The following ERC2 variants were observed in gnomAD, a reference collection of about 807,000 sequenced individuals.
ERC2 encodes ELKS/RAB6-interacting/CAST family member 2, also known as ERC protein 2.
A neutral mutation model predicts 114.8 loss-of-function variants in ERC2; 42 were observed. That is an observed-to-expected ratio of 0.37 (90% CI 0.29 to 0.47). The LOEUF is 0.47. Among genes scored for constraint, ERC2 ranks in the 20% least tolerant of loss-of-function variants. The probability of loss-of-function intolerance (pLI) is 0.99; values close to 1 mark genes in which losing one functional copy is unlikely to be tolerated. For synonymous variants in ERC2, 454 were observed against 425.5 expected (o/e 1.07, Z -0.82); for missense variants, 939 against 1,150.7 (o/e 0.82, Z 2.66).
At chr3:56,405,906 T>TG (rs1413733108) in intron 2 of ERC2, among the ~76,000 whole-genome samples, 14 of 145,924 alleles carry the variant, frequency 9.6e-5, no homozygotes, top group African/African-American at 3.3e-4. Flanking sequence ...TTTTTTTTTT[T>TG]TTTTGAGATA....
chr3:55,961,182 G>T (rs938484969), intron 12 of ERC2, among the ~76,000 whole-genome samples: 2 of 152,242 alleles, frequency 1.3e-5, no homozygotes. Context: ...CTCCTACTGT[G>T]CAAGTCTTAT....
intron 2 of ERC2, among the ~76,000 whole-genome samples, chr3:56,360,854 G>A (rs565438215): frequency 2.0e-4 from 30 of 152,324 alleles, no homozygotes; most frequent in African/African-American, 6.5e-4. Flanking sequence ...GTTGCAGTGA[G>A]CTGAGATTGC....
At chr3:56,250,355 T>C (rs945277128) in intron 3 of ERC2, among the ~76,000 whole-genome samples, 1 of 152,176 alleles carries the variant, frequency 6.6e-6, no homozygotes, top group African/African-American at 2.4e-5. Flanking sequence ...ATCATCACAC[T>C]AAGAAAACTG....
intron 3 of ERC2, among the ~76,000 whole-genome samples, chr3:56,219,806 G>C (rs2049776068): frequency 6.6e-6 from 1 of 152,042 alleles, no homozygotes; most frequent in South Asian, 2.1e-4. Context: ...TTACTTCAAT[G>C]GCTTAGTGGC....
At chr3:55,566,028 G>C (rs1427883887) in intron 17 of ERC2, among the ~76,000 whole-genome samples, 2 of 152,208 alleles carry the variant, frequency 1.3e-5, no homozygotes, top group Non-Finnish European at 2.9e-5. Context: ...AGCTTGGGGG[G>C]AAATGTCTTA....
At chr3:55,737,132 G>C (rs749258995) in intron 14 of ERC2, among the ~76,000 whole-genome samples, 4 of 152,142 alleles carry the variant, frequency 2.6e-5, no homozygotes, top group African/African-American at 4.8e-5. Context: ...CAGATGTTTG[G>C]ACAAGGTGGT....
At chr3:56,403,096 G>A (rs759522465) in intron 2 of ERC2, among the ~76,000 whole-genome samples, 13 of 152,118 alleles carry the variant, frequency 8.5e-5, no homozygotes, top group Admixed American at 4.6e-4. Flanking sequence ...TTAACCCTCC[G>A]TTCCAATTAC....
At chr3:55,674,588 C>T (rs1176709074) in intron 17 of ERC2, among the ~76,000 whole-genome samples, 1 of 152,128 alleles carries the variant, frequency 6.6e-6, no homozygotes, top group Non-Finnish European at 1.5e-5. Context: ...ATTTCAGGGC[C>T]TCGTCTTATG....
chr3:56,061,009 T>C (rs1201982317), intron 7 of ERC2, among the ~76,000 whole-genome samples: 1 of 152,226 alleles, frequency 6.6e-6, no homozygotes, highest in Admixed American at 6.5e-5. Context: ...GTCAGTAACC[T>C]CCACTTGCCT....
At chr3:56,270,444 A>C (rs2053585340) in intron 3 of ERC2, among the ~76,000 whole-genome samples, 1 of 152,222 alleles carries the variant, frequency 6.6e-6, no homozygotes, top group Non-Finnish European at 1.5e-5. Context: ...TGGAGGAAGG[A>C]TAGCCCATAT....
intron 10 of ERC2, 89 bp from the exon 11 acceptor site, chr3:55,992,339 T>G (rs1362677591): frequency 8.3e-7 from 1 of 1,207,752 alleles, no homozygotes; most frequent in Admixed American, 2.4e-5. Flanking sequence ...AAATTAACTT[T>G]GGAGAGAAAA....
chr3:56,016,615 G>C (rs1482659862), intron 8 of ERC2, among the ~76,000 whole-genome samples: 1 of 151,746 alleles, frequency 6.6e-6, no homozygotes, highest in South Asian at 2.1e-4. Context: ...GTATAGATGG[G>C]GCCTAACAAT....
intron 12 of ERC2, among the ~76,000 whole-genome samples, chr3:55,968,106 T>A (rs895389363): frequency 6.6e-6 from 1 of 151,732 alleles, no homozygotes; most frequent in Non-Finnish European, 1.5e-5. Context: ...GCTTTCCTTA[T>A]ATTTTTAATT....
At chr3:56,391,274 T>C (rs551261997) in intron 2 of ERC2, among the ~76,000 whole-genome samples, 1 of 152,338 alleles carries the variant, frequency 6.6e-6, no homozygotes, top group African/African-American at 2.4e-5. Context: ...GAGATCACTG[T>C]GTCACTCCAT....
intron 1 of ERC2, among the ~76,000 whole-genome samples, chr3:56,459,294 G>A (rs750493133): frequency 2.0e-5 from 3 of 152,192 alleles, no homozygotes; most frequent in Non-Finnish European, 4.4e-5. Flanking sequence ...TTCACGGTTT[G>A]CATAAGGATC....
intron 17 of ERC2, among the ~76,000 whole-genome samples, chr3:55,543,952 T>C (rs924760082): frequency 6.6e-6 from 1 of 152,118 alleles, no homozygotes; most frequent in Non-Finnish European, 1.5e-5. Flanking sequence ...GCCTATTTCA[T>C]CCGTTCAGGG....
chr3:56,369,534 T>C (rs192811844), intron 2 of ERC2, among the ~76,000 whole-genome samples: 1 of 152,306 alleles, frequency 6.6e-6, no homozygotes, highest in African/African-American at 2.4e-5. Context: ...TTTCCTACAG[T>C]GATAGTACAG....
intron 17 of ERC2, among the ~76,000 whole-genome samples, chr3:55,604,044 A>G (rs2058534747): frequency 2.6e-5 from 4 of 152,172 alleles, no homozygotes; most frequent in Admixed American, 2.6e-4. Context: ...ACTCTCAGAG[A>G]GAGAAAGCAA....
chr3:56,324,331 AG>A (rs567583573), intron 2 of ERC2, among the ~76,000 whole-genome samples: 70 of 152,314 alleles, frequency 4.6e-4, no homozygotes, highest in African/African-American at 1.7e-3. Flanking sequence ...AGGGCCCAAC[AG>A]GCCACAATAT....
Sources: allele counts gnomAD v4.1 joint callset (sites outside exome capture counted in the v4.1 genomes callset), GRCh38; gene constraint gnomAD v4.1.1; transcripts MANE v1.5; gene names NCBI Gene and HGNC (gene_info 2026-07-23, HGNC 2026-07-21).